ANKRD30B: variants seen among roughly 807,000 people sequenced by gnomAD.
The protein encoded by ANKRD30B is ankyrin repeat domain-containing protein 30B.
Under a neutral mutation model 202.2 loss-of-function variants are expected in ANKRD30B, and 144 were observed. The ratio of observed to expected loss-of-function variants is 0.71; its 90% CI spans 0.62 to 0.82. ANKRD30B has a LOEUF of 0.82. Among genes scored for constraint, ANKRD30B ranks in the 40% least tolerant of loss-of-function variants. ANKRD30B has a pLI of 0.00. For missense variants in ANKRD30B, 1,487 were observed against 1,669.1 expected, an observed-to-expected ratio of 0.89 and a Z score of 1.90; for synonymous variants, 508 against 561.3, an observed-to-expected ratio of 0.91 and a Z score of 1.34.
the ANKRD30B span, among the ~76,000 whole-genome samples, chr18:14,904,733 T>A: frequency 1.3e-5 from 2 of 152,164 alleles, no homozygotes; most frequent in Non-Finnish European, 2.9e-5. Flanking sequence ...TTTTAGAAGG[T>A]CTGGAGAAAG....
chr18:14,854,116 AT>A (rs1331504247), intron 43 of ANKRD30B, among the ~76,000 whole-genome samples, 75 bp from the exon 44 acceptor site: 1 of 152,046 alleles, frequency 6.6e-6, no homozygotes, highest in Non-Finnish European at 1.5e-5. Context: ...TTTTATTACA[AT>A]TTTATTATCT....
In ANKRD30B at chr18:14,798,123, A is replaced by G. The variant is rs34767127; in HGVS notation, c.2029+269A>G. 2.2e-4 allele frequency among the ~76,000 whole-genome samples: 33 copies of G among 152,244 alleles called. 1 individual carries two copies. The highest frequency in any genetic ancestry group is 1.8e-3 in the Admixed American group (28 of 15,282). On this transcript the variant is annotated intron_variant, in intron 20 of 43. Transcript: ENST00000690538. ...CCTTGTCTTTGTTCCCAGGTGGATCAGCAGGTTGAGAAATAATAGACACAG... is the reference window on the plus strand; with the variant it reads ...CCTTGTCTTTGTTCCCAGGTGGATCGGCAGGTTGAGAAATAATAGACACAG...
At chr18:14,882,345 G>A in the ANKRD30B span, among the ~76,000 whole-genome samples, 8 of 152,016 alleles carry the variant, frequency 5.3e-5, no homozygotes, top group Non-Finnish European at 8.8e-5. Flanking sequence ...CATTTCCATC[G>A]TGATTTCGTT....
At chr18:14,896,694 A>AG in the ANKRD30B span, among the ~76,000 whole-genome samples, 1 of 143,694 alleles carries the variant, frequency 7.0e-6, no homozygotes, top group African/African-American at 2.7e-5. Flanking sequence ...GACAGTAAGG[A>AG]GGAGTAAGGT....
rs1972012243 is a variant in ANKRD30B at position 14,854,548 on chromosome 18, C to T, written c.*390C>T. On this transcript the variant is annotated 3_prime_UTR_variant, in exon 44 of 44. Transcript: ENST00000690538. ...ATTTTTCTTGGCTGTAGGAATGTCA[C>T]AATGGACTGCAGAGTGTCATACATA... Among the ~76,000 whole-genome samples the T allele has an allele frequency of 6.6e-6, 1 of 152,154 alleles. No homozygotes were observed. The highest frequency in any genetic ancestry group is 6.5e-5 in the Admixed American group (1 of 15,280).
intron 30 of ANKRD30B, among the ~76,000 whole-genome samples, chr18:14,819,136 GT>G (rs1970275860): frequency 2.0e-5 from 3 of 149,984 alleles, no homozygotes. Context: ...TTTTTCATGT[GT>G]TTTTTGGCTG....
the ANKRD30B span, among the ~76,000 whole-genome samples, chr18:14,916,711 A>G: frequency 6.6e-6 from 1 of 152,226 alleles, no homozygotes; most frequent in South Asian, 2.1e-4. Context: ...AAACTGAGTT[A>G]TGCAAACGCA....
chr18:14,794,848 T>C (rs1470602344), intron 16 of ANKRD30B, among the ~76,000 whole-genome samples: 1 of 152,144 alleles, frequency 6.6e-6, no homozygotes, highest in Non-Finnish European at 1.5e-5. Context: ...TATGTCTAAA[T>C]ATATTAAAGT....
At chr18:14,788,425 G>C (rs1430423939) in intron 15 of ANKRD30B, among the ~76,000 whole-genome samples, 6 of 152,164 alleles carry the variant, frequency 3.9e-5, no homozygotes, top group South Asian at 4.1e-4. Flanking sequence ...TTAAGTTTTA[G>C]GGTACATGTG....
the ANKRD30B span, among the ~76,000 whole-genome samples, chr18:14,892,665 A>G: frequency 1.4e-5 from 2 of 147,676 alleles, no homozygotes; most frequent in African/African-American, 5.0e-5. Flanking sequence ...GCTTGAACCC[A>G]GAAGGTGGAG....
intron 3 of ANKRD30B, among the ~76,000 whole-genome samples, chr18:14,753,771 A>T (rs1296477428): frequency 2.6e-5 from 4 of 152,112 alleles, no homozygotes; most frequent in African/African-American, 9.7e-5. Flanking sequence ...GTTGTATTTG[A>T]ATAGGTTATG....
At chr18:14,847,190 T>G (rs1438290138) in intron 39 of ANKRD30B, among the ~76,000 whole-genome samples, 1 of 143,432 alleles carries the variant, frequency 7.0e-6, no homozygotes, top group African/African-American at 2.6e-5. Flanking sequence ...TAGGTATAAC[T>G]CTTTGCTTTG....
chr18:14,855,702 G>C (rs1245927386), downstream of ANKRD30B, among the ~76,000 whole-genome samples: 6 of 148,938 alleles, frequency 4.0e-5, no homozygotes, highest in East Asian at 2.0e-4. Flanking sequence ...TCACCTCCCA[G>C]ACGGGGCGGC....
rs1487664722 is a variant in ANKRD30B, at chr18:14,817,609, A to G, written c.2641+2898A>G. ...AAGGTCAAAGCCAGCTATTTTCTTC[A>G]TAAAGGAAAATATTTTGGTTACATA... is the stretch of plus-strand genomic sequence containing the variant. On this transcript the variant is annotated intron_variant, in intron 30 of 43. Transcript: ENST00000690538. Among the ~76,000 whole-genome samples the G allele has an allele frequency of 2.0e-5, 3 of 152,314 alleles. No individual in the cohort carries two copies. In the South Asian group the frequency reaches 6.2e-4, roughly 32 times the overall value.
intron 39 of ANKRD30B, among the ~76,000 whole-genome samples, chr18:14,843,817 T>C (rs186529402): frequency 8.1e-4 from 123 of 152,182 alleles, no homozygotes; most frequent in Middle Eastern, 3.4e-3. Flanking sequence ...CAAACAGAAA[T>C]AATAATAATA....
intron 7 of ANKRD30B, among the ~76,000 whole-genome samples, chr18:14,765,118 G>A (rs1915900889): frequency 6.6e-6 from 1 of 152,122 alleles, no homozygotes; most frequent in Admixed American, 6.6e-5. Context: ...TTCTGGTCGT[G>A]GTATAAGGCA....
intron 9 of ANKRD30B, among the ~76,000 whole-genome samples, chr18:14,773,110 C>T (rs1567996377): frequency 6.6e-6 from 1 of 152,096 alleles, no homozygotes; most frequent in Non-Finnish European, 1.5e-5. Context: ...AGTAAACAAC[C>T]AGTTCTGGAA....
chr18:14,796,518 G>T, intron 18 of ANKRD30B, 103 bp downstream of exon 18: 1 of 1,366,934 alleles, frequency 7.3e-7, no homozygotes, highest in Non-Finnish European at 9.8e-7. Flanking sequence ...TGAAAATTTG[G>T]TGGGAAAATT....
chr18:14,850,488 A>G, intron 41 of ANKRD30B, 106 bp downstream of exon 41: 3 of 1,171,156 alleles, frequency 2.6e-6, no homozygotes, highest in Non-Finnish European at 3.4e-6. Context: ...TAAATCAAAG[A>G]AAAGTATTGT....
Sources: gnomAD v4.1 joint callset for allele counts (sites outside exome capture counted in the v4.1 genomes callset) on GRCh38, gnomAD v4.1.1 for gene constraint, MANE v1.5 for transcripts, NCBI Gene and HGNC (gene_info 2026-07-23, HGNC 2026-07-21) for gene names.